Variants in TLR10 observed in about 807,000 individuals in gnomAD.
TLR10 encodes toll like receptor 10, also known as toll-like receptor 10.
For missense variants in TLR10, 929 were observed against 932.9 expected, an observed-to-expected ratio of 1.00 and a Z score of 0.05; for synonymous variants, 288 against 338.8, an observed-to-expected ratio of 0.85 and a Z score of 1.65.
Position 38,773,095 on chromosome 4 carries a change from TG to T in TLR10, c.*59del, listed in dbSNP as rs534699421. Reference sequence around the variant, plus strand: ...ATTGTCAAATTGCCATCATAAAGGTTGTATCAATGTACATCCCAACAGTGTA... The same window carrying T: ...ATTGTCAAATTGCCATCATAAAGGTTTATCAATGTACATCCCAACAGTGTA... On this transcript the variant is annotated 3_prime_UTR_variant, in exon 4 of 4. Transcript: ENST00000308973. 4.7e-5 allele frequency: 65 copies of T among 1,379,900 alleles called. No individual in the cohort carries two copies. Among genetic ancestry groups the T allele is most frequent in the Non-Finnish European group, 6.1e-5 (64 of 1,054,794 alleles). The allele number at this position is 1,379,900 out of a possible 1,614,324, so 85.5% of individuals were successfully genotyped here.
At chr4:38,778,240 G>A (rs1021938111) in intron 1 of TLR10, among the ~76,000 whole-genome samples, 2 of 152,108 alleles carry the variant, frequency 1.3e-5, no homozygotes, top group African/African-American at 4.8e-5. Flanking sequence ...ATAACTGGGA[G>A]TTGAACAATG....
chr4:38,774,641 T>C lies in TLR10; in HGVS notation c.950A>G (p.Asp317Gly). The part of the protein sequence containing the change: ...VHFRVFYIQQ[D>G]KIYLLLTKMD... ...TTTGGTCAAAAGCAAATAGATTTTATCCTGTTGAATGTAAAACACTCTGAA... is the reference window on the plus strand; with the variant it reads ...TTTGGTCAAAAGCAAATAGATTTTACCCTGTTGAATGTAAAACACTCTGAA... The change falls in exon 4 of 4, where the codon GAT (aspartate) becomes GGT (glycine). Residue 317 changes from aspartate (D) to glycine (G), a missense_variant. Asp to Gly is a moderately conservative substitution (Grantham distance 94, BLOSUM62 -1). Coordinates refer to ENST00000308973, the MANE Select transcript of TLR10 (RefSeq NM_030956.4). 3.8e-6 allele frequency: 6 copies of C among 1,573,948 alleles called. No individual in the cohort carries two copies. Among genetic ancestry groups the C allele is most frequent in the South Asian group, 2.4e-5 (2 of 83,044 alleles).
At chr4:38,780,110 T>A (rs73236613) in intron 1 of TLR10, among the ~76,000 whole-genome samples, 14,436 of 152,194 alleles carry the variant, frequency 0.095, 897 homozygotes, top group Middle Eastern at 0.19. Context: ...GGTTGAAGAA[T>A]GAGTTTGGTA....
intron 1 of TLR10, chr4:38,779,013 G>C (rs552201144): frequency 6.7e-6 from 1 of 148,610 alleles, no homozygotes; most frequent in Admixed American, 6.7e-5. Flanking sequence ...ACCTTCCCAA[G>C]TCTGGTTTTT....
chr4:38,775,236 G>C lies in TLR10; in HGVS notation c.355C>G (p.Leu119Val). 1.2e-6 allele frequency: 2 copies of C among 1,613,282 alleles called. No individual in the cohort carries two copies. Among genetic ancestry groups the C allele is most frequent in the Non-Finnish European group, 1.7e-6 (2 of 1,179,780 alleles). ...TTAAAAGAAAGATCTAAATACCTGA[G>C]ACCTGCCAGTAAATACCAAGTTACA... Reference protein sequence around the residue: ...KSVTWYLLAGLRYLDLSFNDF... With the variant: ...KSVTWYLLAGVRYLDLSFNDF... Residue 119 changes from leucine (L) to valine (V), a missense_variant, in exon 4 of 4, where the codon CTC (leucine) becomes GTC (valine). Leu to Val is a conservative substitution (Grantham distance 32). Transcript: ENST00000308973.
Position 38,773,079 on chromosome 4 carries a change from T to C in TLR10, c.*76A>G. On this transcript the variant is annotated 3_prime_UTR_variant, in exon 4 of 4. Coordinates refer to ENST00000308973, the MANE Select transcript of TLR10 (RefSeq NM_030956.4). The stretch of plus-strand genomic sequence containing the variant: ...TTTTATTTTAATAAATATTGTCAAA[T>C]TGCCATCATAAAGGTTGTATCAATG... The C allele has an allele frequency of 7.7e-7, 1 of 1,300,628 alleles. No individual in the cohort carries two copies. The allele number at this position is 1,300,628 out of a possible 1,614,324, so 80.6% of individuals were successfully genotyped here.
At position 38,773,126 on chromosome 4, in the gene TLR10, G is replaced by GT. The variant is rs2109302015; in HGVS notation, c.*28dup. ...AATGTACATCCCAACAGTGTATGTG[G>GT]TCCCCAACTTCCCAAGGACTGTGGG... On this transcript the variant is annotated 3_prime_UTR_variant, in exon 4 of 4. Coordinates refer to ENST00000308973, the MANE Select transcript of TLR10 (RefSeq NM_030956.4). 1 of 1,501,594 alleles carries GT rather than the reference G, an allele frequency of 6.7e-7. No individual in the cohort carries two copies. 93.0% of individuals were successfully genotyped at this position (1,501,594 alleles called of 1,614,324 possible). A position where few individuals can be genotyped will look rare whatever the true frequency, so the allele number is the denominator to read the frequency against.
In TLR10 at chr4:38,775,565, A is replaced by G. The variant is rs1403599873; in HGVS notation, c.26T>C (p.Ile9Thr). The G allele has an allele frequency of 1.9e-6, 3 of 1,609,006 alleles. No individual in the cohort carries two copies. In the African/African-American group the frequency reaches 4.0e-5, roughly 22 times the overall value. MRLIRNIY[I>T]FCSIVMTAEG... ...TGCTGTCATAACAATACTACAAAATATGTAAATGTTTCTGATGAGTCTCAT... is the reference window on the plus strand; with the variant it reads ...TGCTGTCATAACAATACTACAAAATGTGTAAATGTTTCTGATGAGTCTCAT... The change falls in exon 4 of 4, where the codon ATA becomes ACA. Residue 9 changes from isoleucine to threonine, a missense_variant. By Grantham distance (89) the Ile-to-Thr change is moderately conservative. Transcript: ENST00000308973.
At chr4:38,780,598 T>C (rs985407205) in intron 1 of TLR10, among the ~76,000 whole-genome samples, 3 of 152,068 alleles carry the variant, frequency 2.0e-5, no homozygotes, top group African/African-American at 7.2e-5. Context: ...GTACCATGCC[T>C]AGCATATCAC....
At chr4:38,781,311 A>G (rs566623855) in intron 1 of TLR10, among the ~76,000 whole-genome samples, 1 of 151,982 alleles carries the variant, frequency 6.6e-6, no homozygotes, top group Admixed American at 6.6e-5. Flanking sequence ...TGGCCTCATT[A>G]AAGCAATTTT....
rs1725062634 is a variant in TLR10, at chr4:38,776,433, T to C, written c.-568-7A>G. 1 of 154,232 alleles carries C rather than the reference T, an allele frequency of 6.5e-6. No individual in the cohort carries two copies. The allele number at this position is 154,232 out of a possible 1,614,324, so 9.6% of individuals were successfully genotyped here. On this transcript the variant is annotated splice_polypyrimidine_tract_variant and splice_region_variant and intron_variant, in intron 1 of 3. Transcript: ENST00000308973. ...GATATTCAGCTGCTGAATTCTGTTA[T>C]GGCATAGAATCAAAGCTTTCAGGTT...
At chr4:38,777,469 A>G (rs751972890) in intron 1 of TLR10, among the ~76,000 whole-genome samples, 2 of 152,186 alleles carry the variant, frequency 1.3e-5, no homozygotes, top group Non-Finnish European at 1.5e-5. Flanking sequence ...AGAGTCCAGG[A>G]ATGACAGGTT....
At position 38,775,303 on chromosome 4, in the gene TLR10, C is replaced by T. The variant is rs867272565; in HGVS notation, c.288G>A (p.Lys96=). 2.5e-6 allele frequency: 4 copies of T among 1,614,074 alleles called. No homozygotes were observed. The highest frequency in any genetic ancestry group is 2.7e-5 in the African/African-American group (2 of 75,026). Reference sequence around the variant, plus strand: ...TAGACAAATCTAAATATCTTAACTCCTTGTTGAATTCAAAGGTTTTGAGAT... The same window carrying T: ...TAGACAAATCTAAATATCTTAACTCTTTGTTGAATTCAAAGGTTTTGAGAT... ...QLDLKTFEFN[K]ELRYLDLSNN... The change falls in exon 4 of 4, where the codon AAG becomes AAA. Residue 96 remains lysine (K), a synonymous_variant. Coordinates refer to ENST00000308973, the MANE Select transcript of TLR10 (RefSeq NM_030956.4).
chr4:38,782,766 C>A (rs1274529028), intron 1 of TLR10, among the ~76,000 whole-genome samples, 155 bp downstream of exon 1: 1 of 152,212 alleles, frequency 6.6e-6, no homozygotes, highest in Non-Finnish European at 1.5e-5. Context: ...GGTCACTAAT[C>A]ATTAATCTAG....
At chr4:38,777,316 T>C (rs1291029029) in intron 1 of TLR10, among the ~76,000 whole-genome samples, 1 of 152,082 alleles carries the variant, frequency 6.6e-6, no homozygotes, top group Non-Finnish European at 1.5e-5. Context: ...GAACAGCAAG[T>C]ACAAATTTAA....
In TLR10 at chr4:38,773,265, T is replaced by C. The variant is rs765972985; in HGVS notation, c.2326A>G (p.Asn776Asp). ...TCTCTGGTGGCTAATACATTAACAT[T>C]AATAGCAGCTCGAAGGTTTGCCCAG... ...LFWANLRAAI[N>D]VNVLATREMY... The change falls in exon 4 of 4, where the codon AAT becomes GAT. Residue 776 changes from asparagine to aspartate, a missense_variant. Asn to Asp is a conservative substitution (Grantham distance 23). Coordinates refer to ENST00000308973, the MANE Select transcript of TLR10 (RefSeq NM_030956.4). 1.2e-6 allele frequency: 2 copies of C among 1,611,990 alleles called. No individual in the cohort carries two copies. The highest frequency in any genetic ancestry group is 1.3e-5 in the African/African-American group (1 of 74,766).
Position 38,774,542 on chromosome 4 carries a change from A to G in TLR10, c.1049T>C (p.Phe350Ser), listed in dbSNP as rs1395028482. 2.5e-6 allele frequency: 4 copies of G among 1,587,184 alleles called. No homozygotes were observed. Among genetic ancestry groups the G allele is most frequent in the Non-Finnish European group, 3.4e-6 (4 of 1,170,188 alleles). Residue 350 changes from phenylalanine (F) to serine (S), a missense_variant, in exon 4 of 4, where the codon TTC (phenylalanine) becomes TCC (serine). Physicochemically the swap from Phe to Ser is radical, Grantham distance 155. Coordinates refer to ENST00000308973, the MANE Select transcript of TLR10 (RefSeq NM_030956.4). ...ATTATTGGCAAAATTTAAATATTGG[A>G]ATTTCGTAGGATAATTCGGGAAAAG... Reference protein sequence around the residue: ...HMLFPNYPTKFQYLNFANNIL... With the variant: ...HMLFPNYPTKSQYLNFANNIL...
chr4:38,773,068 A>G lies in TLR10; in HGVS notation c.*87T>C. On this transcript the variant is annotated 3_prime_UTR_variant, in exon 4 of 4. Transcript: ENST00000308973. ...GAATAACCATTTTTTATTTTAATAAATATTGTCAAATTGCCATCATAAAGG... is the reference window on the plus strand; with the variant it reads ...GAATAACCATTTTTTATTTTAATAAGTATTGTCAAATTGCCATCATAAAGG... 1.6e-6 allele frequency: 2 copies of G among 1,256,646 alleles called. No individual in the cohort carries two copies. Among genetic ancestry groups the G allele is most frequent in the Non-Finnish European group, 1.0e-6 (1 of 956,292 alleles). The allele number at this position is 1,256,646 out of a possible 1,614,324, so 77.8% of individuals were successfully genotyped here. A position where few individuals can be genotyped will look rare whatever the true frequency, so the allele number is the denominator to read the frequency against.
chr4:38,779,275 T>G (rs1479271874), intron 1 of TLR10, among the ~76,000 whole-genome samples: 3 of 152,202 alleles, frequency 2.0e-5, no homozygotes, highest in Non-Finnish European at 4.4e-5. Context: ...TTGTTTCTGG[T>G]AAGTGTTCTC....
Sources: allele counts gnomAD v4.1 joint callset (sites outside exome capture counted in the v4.1 genomes callset), GRCh38; gene constraint gnomAD v4.1.1; transcripts MANE v1.5; gene names NCBI Gene and HGNC (gene_info 2026-07-23, HGNC 2026-07-21).